CALHM5: variants seen among roughly 807,000 people sequenced by gnomAD.
CALHM5 encodes calcium homeostasis modulator protein 5.
In CALHM5, 17 loss-of-function variants were observed where a neutral mutation model predicts 20.9. The ratio of observed to expected loss-of-function variants is 0.82; its 90% CI spans 0.56 to 1.22. The LOEUF is 1.22. CALHM5 is among the 50% of genes most tolerant of loss of function. The pLI is 0.00. For missense variants in CALHM5, 360 were observed against 364.6 expected, an observed-to-expected ratio of 0.99 and a Z score of 0.10; for synonymous variants, 148 against 140.0, an observed-to-expected ratio of 1.06 and a Z score of -0.40.
rs1346568090 is a variant in CALHM5 at position 116,524,643 on chromosome 6, T to C, written c.*8654T>C. 6.6e-6 allele frequency: 1 copy of C among 152,186 alleles called. No homozygotes were observed. The highest frequency in any genetic ancestry group is 1.5e-5 in the Non-Finnish European group (1 of 68,032). The allele number at this position is 152,186 out of a possible 1,614,324, so 9.4% of individuals were successfully genotyped here. A position where few individuals can be genotyped will look rare whatever the true frequency, so the allele number is the denominator to read the frequency against. On this transcript the variant is annotated 3_prime_UTR_variant, in exon 2 of 2. Coordinates refer to ENST00000368599, the MANE Select transcript of CALHM5 (RefSeq NM_153711.5). ...CAAGATGTTTTATCCTATATTCTCA[T>C]TGGTTTCTTTATCTTTCATGTCCAA... is the stretch of plus-strand genomic sequence containing the variant.
In CALHM5 at chr6:116,515,558, C is replaced by A. The variant is rs759397035; in HGVS notation, c.541-42C>A. ...AATAATACCCCAGCTCCCTAAATGG[C>A]TTTGCTTTCACGTGTGTACTCAATA... On this transcript the variant is annotated intron_variant, in intron 1 of 1. Coordinates refer to ENST00000368599, the MANE Select transcript of CALHM5 (RefSeq NM_153711.5). 3.2e-6 allele frequency: 5 copies of A among 1,549,974 alleles called. No individual in the cohort carries two copies. The South Asian group carries it at 6.3e-5, about 19-fold the overall frequency.
chr6:116,516,658 CA>C lies in CALHM5; in HGVS notation c.*672del, dbSNP rs1772230822. 1 of 96,798 alleles carries C rather than the reference CA, an allele frequency of 1.0e-5. No homozygotes were observed. Among genetic ancestry groups the C allele is most frequent in the Non-Finnish European group, 2.0e-5 (1 of 50,664 alleles). The allele number at this position is 96,798 out of a possible 1,614,324, so 6.0% of individuals were successfully genotyped here. A position where few individuals can be genotyped will look rare whatever the true frequency, so the allele number is the denominator to read the frequency against. On this transcript the variant is annotated 3_prime_UTR_variant, in exon 2 of 2. Coordinates refer to ENST00000368599, the MANE Select transcript of CALHM5 (RefSeq NM_153711.5). ...TTTCCTACATTCAAAATAGTAGTAA[CA>C]AATATATATATATATATATATATAT...
chr6:116,514,637 G>A (rs936875138), intron 1 of CALHM5, among the ~76,000 whole-genome samples: 3 of 152,162 alleles, frequency 2.0e-5, no homozygotes, highest in African/African-American at 7.2e-5. Context: ...TTAAACCTGA[G>A]TAGTGCCAGT....
chr6:116,520,955 T>G lies in CALHM5; in HGVS notation c.*4966T>G, dbSNP rs1772323758. On this transcript the variant is annotated 3_prime_UTR_variant, in exon 2 of 2. Coordinates refer to ENST00000368599, the MANE Select transcript of CALHM5 (RefSeq NM_153711.5). ...ATTTAAATTGGTTCTAGCTAAGCAA[T>G]TTTGGAGTATCTTTGATGTACCTGG... 1 of 151,848 alleles carries G rather than the reference T, an allele frequency of 6.6e-6. No homozygotes were observed. The highest frequency in any genetic ancestry group is 2.4e-5 in the African/African-American group (1 of 41,312). 9.4% of individuals were successfully genotyped at this position (151,848 alleles called of 1,614,324 possible). A position where few individuals can be genotyped will look rare whatever the true frequency, so the allele number is the denominator to read the frequency against.
Position 116,523,754 on chromosome 6 carries a change from T to A in CALHM5, c.*7765T>A, listed in dbSNP as rs917581559. On this transcript the variant is annotated 3_prime_UTR_variant, in exon 2 of 2. Coordinates refer to ENST00000368599, the MANE Select transcript of CALHM5 (RefSeq NM_153711.5). ...ACCTAATCAAGTATTTAGACATTAC[T>A]GCTAGTTTATAGGAAACATAAGCAA... 2 of 152,218 alleles carry A rather than the reference T, an allele frequency of 1.3e-5. No individual in the cohort carries two copies. The highest frequency in any genetic ancestry group is 2.9e-5 in the Non-Finnish European group (2 of 68,034). The allele number at this position is 152,218 out of a possible 1,614,324, so 9.4% of individuals were successfully genotyped here.
Position 116,516,660 on chromosome 6 carries a change from AATATATAT to A in CALHM5, c.*713_*720del, listed in dbSNP as rs57050552. The A allele has an allele frequency of 0.058, 5,964 of 103,562 alleles. 266 individuals are homozygous for A. Among genetic ancestry groups the A allele is most frequent in the African/African-American group, 0.079 (1,859 of 23,592 alleles). 6.4% of individuals were successfully genotyped at this position (103,562 alleles called of 1,614,324 possible). A position where few individuals can be genotyped will look rare whatever the true frequency, so the allele number is the denominator to read the frequency against. Reference sequence around the variant, plus strand: ...TCCTACATTCAAAATAGTAGTAACAAATATATATATATATATATATATATATATATATA... The same window carrying A: ...TCCTACATTCAAAATAGTAGTAACAAATATATATATATATATATATATATA... On this transcript the variant is annotated 3_prime_UTR_variant, in exon 2 of 2. Coordinates refer to ENST00000368599, the MANE Select transcript of CALHM5 (RefSeq NM_153711.5).
Position 116,515,913 on chromosome 6 carries a change from T to G in CALHM5, c.854T>G (p.Val285Gly), listed in dbSNP as rs1473244340. The G allele has an allele frequency of 1.9e-6, 3 of 1,613,702 alleles. No individual in the cohort carries two copies. The highest frequency in any genetic ancestry group is 2.5e-6 in the Non-Finnish European group (3 of 1,179,818). The change falls in exon 2 of 2, where the codon GTG (valine) becomes GGG (glycine). Residue 285 changes from valine (V) to glycine (G), a missense_variant. By Grantham distance (109) the Val-to-Gly change is moderately radical. Transcript: ENST00000368599. ...CACTATAGCACCCTCCACAGAGTGG[T>G]GGACAATGGTCTGCAACTTAGCCCT... Reference protein sequence around the residue: ...QQHYSTLHRVVDNGLQLSPED... With the variant: ...QQHYSTLHRVGDNGLQLSPED...
Position 116,524,279 on chromosome 6 carries a change from C to T in CALHM5, c.*8290C>T, listed in dbSNP as rs1449492437. The T allele has an allele frequency of 6.6e-6, 1 of 152,192 alleles. No homozygotes were observed. Among genetic ancestry groups the T allele is most frequent in the Admixed American group, 6.5e-5 (1 of 15,276 alleles). The allele number at this position is 152,192 out of a possible 1,614,324, so 9.4% of individuals were successfully genotyped here. A position where few individuals can be genotyped will look rare whatever the true frequency, so the allele number is the denominator to read the frequency against. ...GGAATTCATTACATTATTCTCTTTA[C>T]ATTTGTATATGTTTGAAAAATTTCA... On this transcript the variant is annotated 3_prime_UTR_variant, in exon 2 of 2. Transcript: ENST00000368599.
Position 116,512,092 on chromosome 6 carries a change from G to A in CALHM5, c.396G>A (p.Thr132=), listed in dbSNP as rs372266185. ...TCTATGAATGTGCCATGAGCGGGAC[G>A]AGAAGTTCAGGACTCCTGGAACTGA... ...GTFYECAMSG[T]RSSGLLELIC... Residue 132 remains threonine, a synonymous_variant, in exon 1 of 2, where the codon ACG becomes ACA. Transcript: ENST00000368599. 83 of 1,614,046 alleles carry A rather than the reference G, an allele frequency of 5.1e-5. 1 individual carries two copies. The South Asian group carries it at 6.0e-4, about 12-fold the overall frequency.
rs1268965435 is a variant in CALHM5 at position 116,518,029 on chromosome 6, A to G, written c.*2040A>G. 1 of 152,312 alleles carries G rather than the reference A, an allele frequency of 6.6e-6. No individual in the cohort carries two copies. Among genetic ancestry groups the G allele is most frequent in the African/African-American group, 2.4e-5 (1 of 41,448 alleles). The allele number at this position is 152,312 out of a possible 1,614,324, so 9.4% of individuals were successfully genotyped here. On this transcript the variant is annotated 3_prime_UTR_variant, in exon 2 of 2. Coordinates refer to ENST00000368599, the MANE Select transcript of CALHM5 (RefSeq NM_153711.5). ...CCCCCAAACCTGTTCCTGTGCCTCCATCTGGCTGTTTCTGAGTTATATTAT... is the reference window on the plus strand; with the variant it reads ...CCCCCAAACCTGTTCCTGTGCCTCCGTCTGGCTGTTTCTGAGTTATATTAT...
At position 116,517,270 on chromosome 6, in the gene CALHM5, A is replaced by G. The variant is rs1025209888; in HGVS notation, c.*1281A>G. 1 of 152,146 alleles carries G rather than the reference A, an allele frequency of 6.6e-6. No individual in the cohort carries two copies. The highest frequency in any genetic ancestry group is 2.1e-4 in the South Asian group (1 of 4,824). The allele number at this position is 152,146 out of a possible 1,614,324, so 9.4% of individuals were successfully genotyped here. A position where few individuals can be genotyped will look rare whatever the true frequency, so the allele number is the denominator to read the frequency against. The stretch of plus-strand genomic sequence containing the variant: ...TAGTAGGGTAAATTGACCTTGGCTA[A>G]AGGTCTGGGGACACTGTCCAAAGCA... On this transcript the variant is annotated 3_prime_UTR_variant, in exon 2 of 2. Coordinates refer to ENST00000368599, the MANE Select transcript of CALHM5 (RefSeq NM_153711.5).
At position 116,517,234 on chromosome 6, in the gene CALHM5, C is replaced by T. The variant is rs897408703; in HGVS notation, c.*1245C>T. On this transcript the variant is annotated 3_prime_UTR_variant, in exon 2 of 2. Transcript: ENST00000368599. ...CATATGAAATTGGGGGAGACACAAA[C>T]ATTCAGACTATAGTAGGGTAAATTG... The T allele has an allele frequency of 1.3e-5, 2 of 152,128 alleles. No individual in the cohort carries two copies. The highest frequency in any genetic ancestry group is 2.4e-5 in the African/African-American group (1 of 41,424). 9.4% of individuals were successfully genotyped at this position (152,128 alleles called of 1,614,324 possible). A position where few individuals can be genotyped will look rare whatever the true frequency, so the allele number is the denominator to read the frequency against.
rs1331232334 is a variant in CALHM5, at chr6:116,519,374, T to C, written c.*3385T>C. 6.6e-6 allele frequency: 1 copy of C among 152,248 alleles called. No individual in the cohort carries two copies. The allele number at this position is 152,248 out of a possible 1,614,324, so 9.4% of individuals were successfully genotyped here. On this transcript the variant is annotated 3_prime_UTR_variant, in exon 2 of 2. Coordinates refer to ENST00000368599, the MANE Select transcript of CALHM5 (RefSeq NM_153711.5). ...ATGTCAGATTTCTCCTGATCCCAAG[T>C]GTGCTCTGGGGCTTCCATTGCAGCC...
At chr6:116,514,552 A>G (rs1002560738) in intron 1 of CALHM5, among the ~76,000 whole-genome samples, 2 of 152,220 alleles carry the variant, frequency 1.3e-5, no homozygotes, top group Non-Finnish European at 2.9e-5. Flanking sequence ...TTACCCTTCA[A>G]GGTGAGTAAC....
In CALHM5 at chr6:116,520,176, G is replaced by A. The variant is rs947322466; in HGVS notation, c.*4187G>A. ...ATTCAAATTAGTTGTTTCAAAGCCT[G>A]ATGATCCACTGATTTACTCTAAAAA... On this transcript the variant is annotated 3_prime_UTR_variant, in exon 2 of 2. Transcript: ENST00000368599. 5 of 152,144 alleles carry A rather than the reference G, an allele frequency of 3.3e-5. No individual in the cohort carries two copies. The highest frequency in any genetic ancestry group is 9.7e-5 in the African/African-American group (4 of 41,440). The allele number at this position is 152,144 out of a possible 1,614,324, so 9.4% of individuals were successfully genotyped here. A position where few individuals can be genotyped will look rare whatever the true frequency, so the allele number is the denominator to read the frequency against.
intron 1 of CALHM5, 70 bp downstream of exon 1, chr6:116,512,306 C>T (rs1772138905): frequency 6.8e-7 from 1 of 1,463,882 alleles, no homozygotes; most frequent in African/African-American, 1.4e-5. Flanking sequence ...CTCCTTTCAG[C>T]CAGGGCTGTC....
Position 116,511,670 on chromosome 6 carries a change from A to T in CALHM5, c.-27A>T. 6.2e-7 allele frequency: 1 copy of T among 1,600,234 alleles called. No homozygotes were observed. The highest frequency in any genetic ancestry group is 8.5e-7 in the Non-Finnish European group (1 of 1,172,574). Reference sequence around the variant, plus strand: ...GCTGCTCTGCCAATAACAAAGGCACAGCATTTTCCCTCTGTGCATCTCCAA... The same window carrying T: ...GCTGCTCTGCCAATAACAAAGGCACTGCATTTTCCCTCTGTGCATCTCCAA... On this transcript the variant is annotated 5_prime_UTR_variant, in exon 1 of 2. Transcript: ENST00000368599.
intron 1 of CALHM5, among the ~76,000 whole-genome samples, chr6:116,514,967 C>G (rs1348116189): frequency 6.6e-6 from 1 of 152,058 alleles, no homozygotes; most frequent in Non-Finnish European, 1.5e-5. Context: ...TTTTAAGATC[C>G]AGGGGAGAAA....
chr6:116,514,083 G>A (rs1272389085), intron 1 of CALHM5, among the ~76,000 whole-genome samples: 4 of 152,010 alleles, frequency 2.6e-5, no homozygotes, highest in Non-Finnish European at 5.9e-5. Context: ...GTTTGGGGGA[G>A]GACATATGCA....
Sources: gnomAD v4.1 joint callset for allele counts (sites outside exome capture counted in the v4.1 genomes callset) on GRCh38, gnomAD v4.1.1 for gene constraint, MANE v1.5 for transcripts, NCBI Gene and HGNC (gene_info 2026-07-23, HGNC 2026-07-21) for gene names.